Variants in SLC25A29 observed in about 807,000 individuals in gnomAD.
SLC25A29 encodes solute carrier family 25 member 29.
Under a neutral mutation model 10.0 loss-of-function variants are expected in SLC25A29, and 13 were observed. That is an observed-to-expected ratio of 1.30 (90% CI 0.85 to 2.07). The LOEUF is 2.07. SLC25A29 is among the 30% of genes most tolerant of loss of function. The pLI, the probability that SLC25A29 is intolerant of heterozygous loss-of-function variation, is 0.00. For synonymous variants in SLC25A29, 244 were observed against 221.1 expected (o/e 1.10, Z -0.92); for missense variants, 475 against 447.6 (o/e 1.06, Z -0.55).
chr14:100,285,055 G>C, the SLC25A29 span, among the ~76,000 whole-genome samples: 1 of 137,048 alleles, frequency 7.3e-6, no homozygotes, highest in Non-Finnish European at 1.6e-5. Flanking sequence ...GGGGGGGGGC[G>C]GGGTAGCTAG....
chr14:100,295,478 C>A lies in SLC25A29; in HGVS notation c.79-2101G>T, dbSNP rs191630030. On this transcript the variant is annotated intron_variant, in intron 2 of 3. Coordinates refer to ENST00000359232, the MANE Select transcript of SLC25A29 (RefSeq NM_001039355.3). ...AGGGGGCTGATTTTTTTTGGCCAGC[C>A]CGAGCCCCCACCCCAGGACCTGTGC... is the stretch of plus-strand genomic sequence containing the variant. 118 of 953,336 alleles carry A rather than the reference C, an allele frequency of 1.2e-4. No homozygotes were observed. The African/African-American group carries it at 2.0e-3, about 16-fold the overall frequency. 59.1% of individuals were successfully genotyped at this position (953,336 alleles called of 1,614,324 possible). A position where few individuals can be genotyped will look rare whatever the true frequency, so the allele number is the denominator to read the frequency against.
Position 100,293,303 on chromosome 14 carries a change from C to T in SLC25A29, c.153G>A (p.Lys51=), listed in dbSNP as rs779096988. 1 of 1,613,306 alleles carries T rather than the reference C, an allele frequency of 6.2e-7. No individual in the cohort carries two copies. The highest frequency in any genetic ancestry group is 8.5e-7 in the Non-Finnish European group (1 of 1,179,970). ...AGCCCAGGCCACTCACGCTCTCTTG[C>T]TTGATGATGGACTTGAAGCAGTGCA... ...GTLHCFKSII[K]QESVLGLYKG... is the part of the protein sequence containing the mutation. Residue 51 remains lysine (K), a synonymous_variant, in exon 3 of 4, where the codon AAG becomes AAA. Transcript: ENST00000359232.
At chr14:100,297,321 C>T (rs1054657651) in intron 2 of SLC25A29, among the ~76,000 whole-genome samples, 1 of 152,174 alleles carries the variant, frequency 6.6e-6, no homozygotes, top group Non-Finnish European at 1.5e-5. Context: ...GGGTGCTGCT[C>T]GCGGGCTCAG....
At chr14:100,294,660 G>A (rs1220719477) in intron 2 of SLC25A29, 1 of 152,228 alleles carries the variant, frequency 6.6e-6, no homozygotes, top group African/African-American at 2.4e-5. Context: ...GTTGCTCAGA[G>A]TGAGGGTGGG....
chr14:100,298,598 A>C, intron 2 of SLC25A29: 2 of 585,282 alleles, frequency 3.4e-6, no homozygotes, highest in Non-Finnish European at 6.1e-6. Context: ...TGGGTGGGAG[A>C]AAACCTCAGC....
chr14:100,290,927 C>T (rs938630404), downstream of SLC25A29, among the ~76,000 whole-genome samples: 3 of 152,190 alleles, frequency 2.0e-5, no homozygotes, highest in African/African-American at 7.2e-5. Flanking sequence ...GTGTTCACGC[C>T]CTTCATTAGC....
In SLC25A29 at chr14:100,292,896, G is replaced by C. The variant is rs201216737; in HGVS notation, c.299C>G (p.Ala100Gly). ...GACGCACTGGATGGCGCCCGCCGCC[G>C]CACCTGCCAGGAACTGGTTGAGGGG... is the stretch of plus-strand genomic sequence containing the variant. ...DSPLNQFLAG[A>G]AAGAIQCVIC... The change falls in exon 4 of 4, where the codon GCG (alanine) becomes GGG (glycine). Residue 100 changes from alanine (A) to glycine (G), a missense_variant. Coordinates refer to ENST00000359232, the MANE Select transcript of SLC25A29 (RefSeq NM_001039355.3). The C allele has an allele frequency of 1.7e-4, 269 of 1,606,206 alleles. 1 individual carries two copies. The African/African-American group carries it at 3.4e-3, about 20-fold the overall frequency.
the SLC25A29 span, chr14:100,279,746 G>A: frequency 3.9e-5 from 6 of 152,536 alleles, no homozygotes; most frequent in African/African-American, 1.2e-4. Flanking sequence ...GCGTGGCTGT[G>A]TTAGGAGTCC....
chr14:100,295,955 G>A (rs1177767455), intron 2 of SLC25A29: 1 of 1,289,778 alleles, frequency 7.8e-7, no homozygotes, highest in Non-Finnish European at 1.0e-6. Flanking sequence ...GGGCGCTATA[G>A]AGGAGATCCA....
the SLC25A29 span, chr14:100,282,567 T>C: frequency 6.6e-6 from 1 of 152,200 alleles, no homozygotes; most frequent in Non-Finnish European, 1.5e-5. Flanking sequence ...TAGCATTTCG[T>C]CTCATGTACA....
chr14:100,292,214 C>T lies in SLC25A29; in HGVS notation c.*69G>A, dbSNP rs1312903261. ...GCATCCCAGCAGGAAGCAGGGCAATCGACTCAGGGGCCAATTTATGTCCCA... is the reference window on the plus strand; with the variant it reads ...GCATCCCAGCAGGAAGCAGGGCAATTGACTCAGGGGCCAATTTATGTCCCA... On this transcript the variant is annotated 3_prime_UTR_variant, in exon 4 of 4. Transcript: ENST00000359232. 9 of 1,514,354 alleles carry T rather than the reference C, an allele frequency of 5.9e-6. No individual in the cohort carries two copies. In the South Asian group the frequency reaches 6.0e-5, roughly 10 times the overall value. 93.8% of individuals were successfully genotyped at this position (1,514,354 alleles called of 1,614,324 possible).
rs768429427 is a variant in SLC25A29, at chr14:100,292,236, C to T, written c.*47G>A. The T allele has an allele frequency of 5.2e-6, 8 of 1,527,842 alleles. No individual in the cohort carries two copies. Among genetic ancestry groups the T allele is most frequent in the Non-Finnish European group, 7.0e-6 (8 of 1,139,182 alleles). The allele number at this position is 1,527,842 out of a possible 1,614,324, so 94.6% of individuals were successfully genotyped here. A position where few individuals can be genotyped will look rare whatever the true frequency, so the allele number is the denominator to read the frequency against. On this transcript the variant is annotated 3_prime_UTR_variant, in exon 4 of 4. Transcript: ENST00000359232. ...AATCGACTCAGGGGCCAATTTATGT[C>T]CCAGGTTTCTGAGAAGGAGCCCTGG...
chr14:100,299,311 C>G, intron 1 of SLC25A29: 4 of 1,026,900 alleles, frequency 3.9e-6, no homozygotes, highest in Non-Finnish European at 4.7e-6. Flanking sequence ...TTGAATTTTC[C>G]CCCTGCCGCT....
At chr14:100,295,825 C>G in intron 2 of SLC25A29, 1 of 1,289,742 alleles carries the variant, frequency 7.8e-7, no homozygotes, top group South Asian at 1.2e-5. Flanking sequence ...GTCACCCCCT[C>G]ATCATAGGTC....
chr14:100,279,961 C>A, the SLC25A29 span: 1 of 152,354 alleles, frequency 6.6e-6, no homozygotes, highest in Non-Finnish European at 1.5e-5. Flanking sequence ...TGCCTTTGGT[C>A]ATCTCTTCTG....
At chr14:100,303,326 T>C (rs917920854) in intron 1 of SLC25A29, among the ~76,000 whole-genome samples, 7 of 152,216 alleles carry the variant, frequency 4.6e-5, no homozygotes, top group African/African-American at 1.4e-4. Context: ...CCATGTCCCT[T>C]GAAGCTAGGT....
intron 1 of SLC25A29, among the ~76,000 whole-genome samples, chr14:100,303,111 G>T (rs1217132487): frequency 1.3e-5 from 2 of 152,112 alleles, no homozygotes; most frequent in Non-Finnish European, 2.9e-5. Flanking sequence ...CTGATTTTCT[G>T]GGAGGCCTTT....
chr14:100,299,133 T>C (rs1418317782), intron 1 of SLC25A29: 1 of 1,383,502 alleles, frequency 7.2e-7, no homozygotes, highest in Non-Finnish European at 9.3e-7. Flanking sequence ...TGGTGTCCCA[T>C]CTGCAGGCTG....
Position 100,298,881 on chromosome 14 carries a change from C to T in SLC25A29, c.39G>A (p.Val13=). The T allele has an allele frequency of 4.3e-6, 7 of 1,614,216 alleles. No individual in the cohort carries two copies. Among genetic ancestry groups the T allele is most frequent in the Non-Finnish European group, 5.9e-6 (7 of 1,180,046 alleles). Residue 13 remains valine, a synonymous_variant, in exon 2 of 4, where the codon GTG becomes GTA. Transcript: ENST00000359232. ...LDFLAGCAGG[V]AGVLVGHPFD... ...ACGGGTGTCCCACAAGCACGCCTGCCACACCTGGAGGAGGAGAGGGGGACT... is the reference window on the plus strand; with the variant it reads ...ACGGGTGTCCCACAAGCACGCCTGCTACACCTGGAGGAGGAGAGGGGGACT...
Sources: gnomAD v4.1 joint callset for allele counts (sites outside exome capture counted in the v4.1 genomes callset) on GRCh38, gnomAD v4.1.1 for gene constraint, MANE v1.5 for transcripts, NCBI Gene and HGNC (gene_info 2026-07-23, HGNC 2026-07-21) for gene names.